The following MAST4 variants were observed in gnomAD, a reference collection of about 807,000 sequenced individuals.
MAST4 encodes the protein microtubule-associated serine/threonine-protein kinase 4.
Under a neutral mutation model 162.7 loss-of-function variants are expected in MAST4, and 89 were observed. The ratio of observed to expected loss-of-function variants is 0.55; its 90% CI spans 0.46 to 0.65. The LOEUF (loss-of-function observed/expected upper bound fraction) is 0.65, where lower values mean the gene tolerates loss of function less well. Among genes scored for constraint, MAST4 ranks in the 30% least tolerant of loss-of-function variants. MAST4 has a pLI of 0.00. For missense variants in MAST4, 3,153 were observed against 3,374.0 expected (o/e 0.93, Z 1.62); for synonymous variants, 1,479 against 1,361.1 (o/e 1.09, Z -1.91).
At chr5:67,093,010 A>G (rs913212508) in intron 6 of MAST4, among the ~76,000 whole-genome samples, 10 of 152,232 alleles carry the variant, frequency 6.6e-5, no homozygotes, top group African/African-American at 2.2e-4. Context: ...AACATCAACT[A>G]GAATATTTGG....
intron 3 of MAST4, among the ~76,000 whole-genome samples, chr5:66,820,609 T>C (rs936245485): frequency 3.3e-5 from 5 of 152,236 alleles, no homozygotes; most frequent in Non-Finnish European, 7.3e-5. Context: ...AATGAAGTTC[T>C]ATTACCCAGT....
chr5:66,704,702 G>T (rs181095765), intron 1 of MAST4, among the ~76,000 whole-genome samples: 1 of 151,754 alleles, frequency 6.6e-6, no homozygotes, highest in East Asian at 1.9e-4. Context: ...GGGTTTCACC[G>T]TGTTAGCCAG....
chr5:66,801,265 G>T (rs1002151556), intron 3 of MAST4, among the ~76,000 whole-genome samples: 1 of 152,094 alleles, frequency 6.6e-6, no homozygotes, highest in East Asian at 1.9e-4. Flanking sequence ...AAGGGACCTG[G>T]AGGCAAATTC....
At chr5:67,149,730 T>G (rs1771575522) in intron 24 of MAST4, 141 bp downstream of exon 24, 5 of 848,108 alleles carry the variant, frequency 5.9e-6, no homozygotes, top group Non-Finnish European at 9.3e-6. Context: ...CTTGAGAGCT[T>G]CTGCCTGCAG....
At chr5:66,742,543 C>T (rs1752532115) in intron 1 of MAST4, among the ~76,000 whole-genome samples, 1 of 152,192 alleles carries the variant, frequency 6.6e-6, no homozygotes, top group Non-Finnish European at 1.5e-5. Context: ...CTTATTTAGG[C>T]AACCCCACCC....
At chr5:66,864,263 A>G (rs1424160581) in intron 3 of MAST4, among the ~76,000 whole-genome samples, 1 of 152,212 alleles carries the variant, frequency 6.6e-6, no homozygotes, top group Admixed American at 6.5e-5. Flanking sequence ...ACATTTGAAC[A>G]TTCCTGAATG....
At chr5:67,086,666 T>C (rs1253419511) in intron 5 of MAST4, among the ~76,000 whole-genome samples, 1 of 152,244 alleles carries the variant, frequency 6.6e-6, no homozygotes, top group African/African-American at 2.4e-5. Flanking sequence ...ATTTTAGTTA[T>C]AAGCAAGTGC....
At chr5:66,715,344 G>T (rs1039397121) in intron 1 of MAST4, among the ~76,000 whole-genome samples, 5 of 152,144 alleles carry the variant, frequency 3.3e-5, no homozygotes. Flanking sequence ...TGAACAGTTT[G>T]TCAAAAAATG....
At chr5:67,077,692 T>C (rs1378561015) in intron 5 of MAST4, among the ~76,000 whole-genome samples, 2 of 152,328 alleles carry the variant, frequency 1.3e-5, no homozygotes, top group East Asian at 3.9e-4. Flanking sequence ...AGCCAATAAA[T>C]TGTCCTGAAT....
chr5:67,085,596 A>G (rs1295389934), intron 5 of MAST4, among the ~76,000 whole-genome samples: 1 of 152,218 alleles, frequency 6.6e-6, no homozygotes, highest in Non-Finnish European at 1.5e-5. Context: ...TTCATTGTGT[A>G]TAATTCTGTC....
At chr5:66,626,992 C>A (rs1299477585) in intron 1 of MAST4, among the ~76,000 whole-genome samples, 1 of 152,144 alleles carries the variant, frequency 6.6e-6, no homozygotes, top group Non-Finnish European at 1.5e-5. Flanking sequence ...GATACTAAGT[C>A]AAATGGCCAA....
rs546185119 is a variant in MAST4, at chr5:67,030,646, G to A, written c.675-23758G>A. On this transcript the variant is annotated intron_variant, in intron 4 of 28. Coordinates refer to ENST00000403625, the MANE Select transcript of MAST4 (RefSeq NM_001164664.2). ...TTGTGGTTTTAAGCCCTTCCATTCT[G>A]TTGTGTAGTTTCAAGGGAGTTTAGT... Among the ~76,000 whole-genome samples the A allele has an allele frequency of 2.6e-5, 4 of 152,206 alleles. No homozygotes were observed. The East Asian group carries it at 7.7e-4, about 29-fold the overall frequency.
chr5:67,095,688 CT>C lies in MAST4; in HGVS notation c.912+28del, dbSNP rs751787327. On this transcript the variant is annotated intron_variant, in intron 7 of 28. Coordinates refer to ENST00000403625, the MANE Select transcript of MAST4 (RefSeq NM_001164664.2). The stretch of plus-strand genomic sequence containing the variant: ...CTCTACGGTCTCTGTAAGTGCCTGA[CT>C]TTTTTTTTTTTTTTCTCTTCCTCAC... 166,894 of 1,165,624 alleles carry C rather than the reference CT, an allele frequency of 0.14. 2 individuals are homozygous for C. Among genetic ancestry groups the C allele is most frequent in the South Asian group, 0.16 (9,131 of 57,646 alleles). The allele number at this position is 1,165,624 out of a possible 1,614,324, so 72.2% of individuals were successfully genotyped here.
intron 1 of MAST4, among the ~76,000 whole-genome samples, chr5:66,753,399 G>A (rs1212734685): frequency 3.8e-4 from 58 of 151,260 alleles, no homozygotes; most frequent in African/African-American, 8.5e-4. Context: ...TTGATAGACC[G>A]CTAGCAAGAC....
intron 4 of MAST4, among the ~76,000 whole-genome samples, chr5:67,039,007 C>A (rs1385832492): frequency 2.6e-5 from 4 of 152,168 alleles, no homozygotes; most frequent in African/African-American, 9.7e-5. Flanking sequence ...TATGATTATA[C>A]TTGAATGGAA....
chr5:67,094,272 A>G lies in MAST4; in HGVS notation c.834-1325A>G, dbSNP rs1764185336. The stretch of plus-strand genomic sequence containing the variant: ...TTTGCATTTATTGGAGGTTACACCC[A>G]TGGCAGCCTATAATTTTATTTTCCT... On this transcript the variant is annotated intron_variant, in intron 6 of 28. Transcript: ENST00000403625. The G allele has an allele frequency of 1.2e-5, 7 of 600,864 alleles. No homozygotes were observed. In the East Asian group the frequency reaches 2.1e-4, roughly 18 times the overall value. The allele number at this position is 600,864 out of a possible 1,614,324, so 37.2% of individuals were successfully genotyped here. A position where few individuals can be genotyped will look rare whatever the true frequency, so the allele number is the denominator to read the frequency against.
chr5:66,705,302 T>C (rs1041147317), intron 1 of MAST4, among the ~76,000 whole-genome samples: 1 of 152,224 alleles, frequency 6.6e-6, no homozygotes, highest in African/African-American at 2.4e-5. Context: ...TGAGCATGTT[T>C]AGAATGATAA....
intron 3 of MAST4, among the ~76,000 whole-genome samples, chr5:66,899,588 G>C (rs564621200): frequency 8.5e-5 from 13 of 152,188 alleles, no homozygotes; most frequent in African/African-American, 2.9e-4. Context: ...CCTGCAAAAT[G>C]TCTCCTACTT....
chr5:66,807,359 G>A (rs529765194), intron 3 of MAST4, among the ~76,000 whole-genome samples: 14 of 152,196 alleles, frequency 9.2e-5, no homozygotes, highest in Admixed American at 5.2e-4. Flanking sequence ...AGCCGGGCGC[G>A]GTGGCGGGCG....
Sources: allele counts gnomAD v4.1 joint callset (sites outside exome capture counted in the v4.1 genomes callset), GRCh38; gene constraint gnomAD v4.1.1; transcripts MANE v1.5; gene names NCBI Gene and HGNC (gene_info 2026-07-23, HGNC 2026-07-21).